Variants in CMC2 observed in about 807,000 individuals in gnomAD.
The protein encoded by CMC2 is C-X9-C motif containing 2, also known as COX assembly mitochondrial protein 2 homolog.
In CMC2, 5 loss-of-function variants were observed where a neutral mutation model predicts 7.5. The ratio of observed to expected loss-of-function variants is 0.66; its 90% CI spans 0.35 to 1.40. The LOEUF (loss-of-function observed/expected upper bound fraction) is 1.40, where lower values mean the gene tolerates loss of function less well. Among genes scored for constraint, CMC2 ranks in the 40% most tolerant of loss-of-function variants. The pLI is 0.04. For synonymous variants in CMC2, 37 were observed against 31.4 expected (o/e 1.18, Z -0.60); for missense variants, 115 against 92.3 (o/e 1.25, Z -1.01).
chr16:80,996,902 T>A (rs1219912596), intron 2 of CMC2: 3 of 330,432 alleles, frequency 9.1e-6, no homozygotes, highest in Non-Finnish European at 1.8e-5. Context: ...AATGTCTAAT[T>A]ATATAACACG....
Position 80,971,829 on chromosome 16 carries a change from C to T in CMC2, c.*4264G>A, listed in dbSNP as rs1457771877. On this transcript the variant is annotated 3_prime_UTR_variant, in exon 4 of 4. Transcript: ENST00000219400. ...TGTATAGTTTTCTGTAAACCTGAAA[C>T]ATTTTGTCATAAAAAAGAATAGCAT... 1.3e-5 allele frequency: 2 copies of T among 152,118 alleles called. No individual in the cohort carries two copies. Among genetic ancestry groups the T allele is most frequent in the East Asian group, 1.9e-4 (1 of 5,186 alleles). 9.4% of individuals were successfully genotyped at this position (152,118 alleles called of 1,614,324 possible).
chr16:80,978,324 T>G, intron 3 of CMC2: 1 of 1,262,740 alleles, frequency 7.9e-7, no homozygotes, highest in South Asian at 1.3e-5. Flanking sequence ...TAATACTTTG[T>G]AGCAGGCCAA....
chr16:80,999,439 T>G (rs1357796749), intron 1 of CMC2, among the ~76,000 whole-genome samples: 1 of 152,104 alleles, frequency 6.6e-6, no homozygotes, highest in Non-Finnish European at 1.5e-5. Flanking sequence ...AGAAAAACAT[T>G]CCGTGCTCAT....
chr16:80,978,219 T>C, intron 3 of CMC2: 2 of 1,020,714 alleles, frequency 2.0e-6, no homozygotes, highest in Non-Finnish European at 1.2e-6. Flanking sequence ...ATACCTGCTC[T>C]GAGAAAAAGC....
intron 2 of CMC2, among the ~76,000 whole-genome samples, chr16:80,988,303 G>A (rs908049668): frequency 3.9e-5 from 6 of 152,146 alleles, no homozygotes; most frequent in Non-Finnish European, 7.3e-5. Context: ...CGTTGCCCAG[G>A]CTGAAGTGCC....
In CMC2 at chr16:80,970,474, CCAAAAACCTACTA is replaced by C. The variant is rs1911840148; in HGVS notation, c.*5606_*5618del. 6.6e-6 allele frequency: 1 copy of C among 152,160 alleles called. No homozygotes were observed. The allele number at this position is 152,160 out of a possible 1,614,324, so 9.4% of individuals were successfully genotyped here. ...TTCCTTAGGGAGGAACAGACATCTT[CCAAAAACCTACTA>C]CAAATTTGCTACTTGTCAGTGAAAT... On this transcript the variant is annotated 3_prime_UTR_variant, in exon 4 of 4. Coordinates refer to ENST00000219400, the MANE Select transcript of CMC2 (RefSeq NM_020188.5).
chr16:80,971,038 G>A lies in CMC2; in HGVS notation c.*5055C>T, dbSNP rs932869358. ...TAGTCCCAGCCACTCAGGAGGCTAAGGCACGAGAATTGCTTGAAGCCAGGA... is the reference window on the plus strand; with the variant it reads ...TAGTCCCAGCCACTCAGGAGGCTAAAGCACGAGAATTGCTTGAAGCCAGGA... On this transcript the variant is annotated 3_prime_UTR_variant, in exon 4 of 4. Transcript: ENST00000219400. 2.0e-5 allele frequency: 3 copies of A among 152,164 alleles called. No homozygotes were observed. The highest frequency in any genetic ancestry group is 7.2e-5 in the African/African-American group (3 of 41,422). 9.4% of individuals were successfully genotyped at this position (152,164 alleles called of 1,614,324 possible).
intron 1 of CMC2, among the ~76,000 whole-genome samples, chr16:81,000,258 G>T (rs1188917202): frequency 6.6e-6 from 1 of 152,042 alleles, no homozygotes; most frequent in East Asian, 1.9e-4. Flanking sequence ...AGCGCTTTGG[G>T]AGGCCAAGGC....
Position 80,973,511 on chromosome 16 carries a change from A to G in CMC2, c.*2582T>C, listed in dbSNP as rs1912075044. Reference sequence around the variant, plus strand: ...CACTGGGTTGAACTGGTTTAACCATAACTATTCACCGAATAACCAGAAAGA... The same window carrying G: ...CACTGGGTTGAACTGGTTTAACCATGACTATTCACCGAATAACCAGAAAGA... On this transcript the variant is annotated 3_prime_UTR_variant, in exon 4 of 4. Transcript: ENST00000219400. 1 of 152,204 alleles carries G rather than the reference A, an allele frequency of 6.6e-6. No homozygotes were observed. The highest frequency in any genetic ancestry group is 2.1e-4 in the South Asian group (1 of 4,828). The allele number at this position is 152,204 out of a possible 1,614,324, so 9.4% of individuals were successfully genotyped here. A position where few individuals can be genotyped will look rare whatever the true frequency, so the allele number is the denominator to read the frequency against.
chr16:80,979,078 C>CA lies in CMC2; in HGVS notation c.153+2727dup, dbSNP rs200041544. The stretch of plus-strand genomic sequence containing the variant: ...CCTGGGTGACAGAGTGAGACTCTGG[C>CA]AAAAAAAATAAAAAAATAAAAAAGC... On this transcript the variant is annotated intron_variant, in intron 3 of 3. Transcript: ENST00000219400. Among the ~76,000 whole-genome samples the CA allele has an allele frequency of 2.7e-3, 353 of 130,802 alleles. 5 individuals are homozygous for CA. Among genetic ancestry groups the CA allele is most frequent in the African/African-American group, 7.3e-3 (247 of 33,638 alleles). The allele number at this position is 130,802 out of a possible 152,430, so 85.8% of individuals were successfully genotyped here. A position where few individuals can be genotyped will look rare whatever the true frequency, so the allele number is the denominator to read the frequency against.
rs1479837341 is a variant in CMC2, at chr16:80,967,184, C to T, written c.*8909G>A. 2.0e-5 allele frequency: 3 copies of T among 152,234 alleles called. No individual in the cohort carries two copies. Among genetic ancestry groups the T allele is most frequent in the Admixed American group, 6.5e-5 (1 of 15,286 alleles). The allele number at this position is 152,234 out of a possible 1,614,324, so 9.4% of individuals were successfully genotyped here. On this transcript the variant is annotated 3_prime_UTR_variant, in exon 4 of 4. Coordinates refer to ENST00000219400, the MANE Select transcript of CMC2 (RefSeq NM_020188.5). ...CAGCCCAGAGAGCTTTCAGTCTACA[C>T]ATAACCTGAATTCCATGTATCATGA... is the stretch of plus-strand genomic sequence containing the variant.
At chr16:80,981,734 C>A in intron 3 of CMC2, 72 bp downstream of exon 3, 1 of 903,582 alleles carries the variant, frequency 1.1e-6, no homozygotes, top group Non-Finnish European at 1.7e-6. Context: ...TCAATAATGG[C>A]AGTAATACAC....
intron 1 of CMC2, among the ~76,000 whole-genome samples, chr16:80,999,455 G>A (rs35110550): frequency 0.018 from 2,746 of 152,266 alleles, 51 homozygotes; most frequent in East Asian, 0.054. Context: ...CTCATGGATT[G>A]GGAGAATCAA....
At chr16:81,002,224 A>C (rs1968918840) in intron 1 of CMC2, among the ~76,000 whole-genome samples, 1 of 152,174 alleles carries the variant, frequency 6.6e-6, no homozygotes, top group African/African-American at 2.4e-5. Flanking sequence ...CAAGAGTTCA[A>C]GACCAACCTG....
intron 3 of CMC2, among the ~76,000 whole-genome samples, chr16:80,981,225 G>A (rs900237349): frequency 6.6e-6 from 1 of 151,488 alleles, no homozygotes; most frequent in African/African-American, 2.4e-5. Flanking sequence ...GGTTTAAAAT[G>A]CACTCTGCTT....
At chr16:80,979,702 C>T (rs1488225549) in intron 3 of CMC2, among the ~76,000 whole-genome samples, 1 of 151,928 alleles carries the variant, frequency 6.6e-6, no homozygotes, top group Non-Finnish European at 1.5e-5. Context: ...CTCACCGCAA[C>T]CTCCGTCTCC....
intron 2 of CMC2, among the ~76,000 whole-genome samples, chr16:80,987,233 G>T (rs1967612133): frequency 6.6e-6 from 1 of 152,102 alleles, no homozygotes; most frequent in South Asian, 2.1e-4. Context: ...TTATGGGAAG[G>T]AATCTTATGT....
At position 80,976,195 on chromosome 16, in the gene CMC2, AG is replaced by A. The variant is rs750308084; in HGVS notation, c.154-17del. 2.3e-5 allele frequency: 33 copies of A among 1,415,244 alleles called. No individual in the cohort carries two copies. The highest frequency in any genetic ancestry group is 1.0e-4 in the African/African-American group (7 of 68,478). The allele number at this position is 1,415,244 out of a possible 1,614,324, so 87.7% of individuals were successfully genotyped here. On this transcript the variant is annotated splice_polypyrimidine_tract_variant and intron_variant, in intron 3 of 3. Coordinates refer to ENST00000219400, the MANE Select transcript of CMC2 (RefSeq NM_020188.5). ...TTTCTACGTACTGAAAAATAAAAGA[AG>A]GGGGGGAGAAAAGAAACAGCAGATT...
At chr16:81,005,114 T>C (rs1465444037) in intron 1 of CMC2, among the ~76,000 whole-genome samples, 1 of 152,226 alleles carries the variant, frequency 6.6e-6, no homozygotes, top group Non-Finnish European at 1.5e-5. Context: ...AAAAAAACTG[T>C]AAACACTCCG....
Sources: gnomAD v4.1 joint callset for allele counts (sites outside exome capture counted in the v4.1 genomes callset) on GRCh38, gnomAD v4.1.1 for gene constraint, MANE v1.5 for transcripts, NCBI Gene and HGNC (gene_info 2026-07-23, HGNC 2026-07-21) for gene names.